Variants in WDR93 observed in about 807,000 individuals in gnomAD.
WDR93 encodes WD repeat domain 93, also known as WD repeat-containing protein 93.
WDR93 carries 73 observed loss-of-function variants against 82.9 expected under a neutral mutation model. The ratio of observed to expected loss-of-function variants is 0.88; its 90% CI spans 0.73 to 1.07. The LOEUF (loss-of-function observed/expected upper bound fraction) is 1.07, where lower values mean the gene tolerates loss of function less well. WDR93 is among the 50% of genes least tolerant of loss of function. The probability of loss-of-function intolerance (pLI) is 0.00; values close to 1 mark genes in which losing one functional copy is unlikely to be tolerated. For synonymous variants in WDR93, 283 were observed against 300.1 expected (o/e 0.94, Z 0.59); for missense variants, 738 against 826.0 (o/e 0.89, Z 1.31).
rs575855058 is a variant in WDR93 at position 89,738,021 on chromosome 15, G to A, written c.1766-20G>A. ...GAAAGCGATTGTTACACAGAACATG[G>A]TGTTCTTGTCTCGTCACAGGAGACT... On this transcript the variant is annotated intron_variant, in intron 15 of 16. Coordinates refer to ENST00000268130, the MANE Select transcript of WDR93 (RefSeq NM_020212.2). 24 of 1,591,096 alleles carry A rather than the reference G, an allele frequency of 1.5e-5. No homozygotes were observed. Among genetic ancestry groups the A allele is most frequent in the Non-Finnish European group, 2.1e-5 (24 of 1,168,226 alleles).
rs1181163746 is a variant in WDR93 at position 89,727,264 on chromosome 15, G to A, written c.988G>A (p.Ala330Thr). 1 of 1,614,196 alleles carries A rather than the reference G, an allele frequency of 6.2e-7. No individual in the cohort carries two copies. Among genetic ancestry groups the A allele is most frequent in the Non-Finnish European group, 8.5e-7 (1 of 1,180,016 alleles). ...CAAGGACAGTCAGTGGGAGCAGCAA[G>A]CTGAGATCTTCAACGCTTCCTACAA... is the stretch of plus-strand genomic sequence containing the variant. The part of the protein sequence containing the change: ...FIKDSQWEQQ[A>T]EIFNASYKKY... Residue 330 changes from alanine to threonine, a missense_variant, in exon 9 of 17, where the codon GCT becomes ACT. Ala to Thr is a moderately conservative substitution (Grantham distance 58). Coordinates refer to ENST00000268130, the MANE Select transcript of WDR93 (RefSeq NM_020212.2).
chr15:89,708,574 C>T (rs1176063487), intron 4 of WDR93, among the ~76,000 whole-genome samples: 4 of 152,136 alleles, frequency 2.6e-5, no homozygotes, highest in South Asian at 2.1e-4. Flanking sequence ...ATGAAAATTT[C>T]GGAAACAGAT....
chr15:89,715,411 C>T (rs1056976189), intron 6 of WDR93, among the ~76,000 whole-genome samples: 3 of 152,086 alleles, frequency 2.0e-5, no homozygotes, highest in African/African-American at 4.8e-5. Context: ...TTTTTTCCCT[C>T]CTGGCTGAAA....
At chr15:89,743,230 G>A in intron 16 of WDR93, 62 bp from the exon 17 acceptor site, 1 of 1,563,896 alleles carries the variant, frequency 6.4e-7, no homozygotes, top group Non-Finnish European at 8.8e-7. Context: ...GGTCTGCCCT[G>A]GGGGCTCGGG....
chr15:89,693,476 T>C (rs1475999527), intron 1 of WDR93, among the ~76,000 whole-genome samples: 1 of 152,238 alleles, frequency 6.6e-6, no homozygotes, highest in Non-Finnish European at 1.5e-5. Flanking sequence ...AAGAGTGGAA[T>C]GACTGGATAT....
chr15:89,718,177 C>A (rs1376164364), intron 7 of WDR93, among the ~76,000 whole-genome samples: 1 of 151,884 alleles, frequency 6.6e-6, no homozygotes, highest in Non-Finnish European at 1.5e-5. Flanking sequence ...CTTGCCTCTA[C>A]AAAAAATACA....
chr15:89,703,183 A>G (rs374833111), intron 3 of WDR93, 41 bp downstream of exon 3: 1 of 1,607,234 alleles, frequency 6.2e-7, no homozygotes, highest in Non-Finnish European at 8.5e-7. Context: ...ATTTACAGGT[A>G]CCTGTAGACT....
At chr15:89,733,677 T>C (rs1260785202) in intron 13 of WDR93, among the ~76,000 whole-genome samples, 1 of 152,174 alleles carries the variant, frequency 6.6e-6, no homozygotes, top group African/African-American at 2.4e-5. Context: ...TCCCTCACCA[T>C]GTCACACCCT....
chr15:89,728,883 T>A (rs1049845210), intron 9 of WDR93, 140 bp from the exon 10 acceptor site: 16 of 759,532 alleles, frequency 2.1e-5, no homozygotes, highest in Non-Finnish European at 3.5e-5. Flanking sequence ...GCACCTAGAA[T>A]GTGATGTGCT....
chr15:89,722,207 C>T, intron 8 of WDR93, 68 bp downstream of exon 8: 1 of 1,225,694 alleles, frequency 8.2e-7, no homozygotes, highest in Non-Finnish European at 1.1e-6. Context: ...TTCCCCATGT[C>T]TTATCTTTTC....
At chr15:89,710,875 A>T (rs1965944753) in intron 4 of WDR93, among the ~76,000 whole-genome samples, 1 of 152,234 alleles carries the variant, frequency 6.6e-6, no homozygotes, top group African/African-American at 2.4e-5. Context: ...CATATGGGCA[A>T]CCAATTTCAA....
At chr15:89,704,005 A>G (rs1965602721) in intron 3 of WDR93, 1 of 152,166 alleles carries the variant, frequency 6.6e-6, no homozygotes, top group African/African-American at 2.4e-5. Context: ...AATTCTGAAC[A>G]TCTGAACCAA....
At chr15:89,735,359 G>A in intron 13 of WDR93, 131 bp from the exon 14 acceptor site, 1 of 771,638 alleles carries the variant, frequency 1.3e-6, no homozygotes, top group Non-Finnish European at 2.1e-6. Flanking sequence ...TTAATTTTTT[G>A]CTACTATGAA....
intron 8 of WDR93, among the ~76,000 whole-genome samples, chr15:89,722,436 A>G (rs910278996): frequency 1.2e-4 from 19 of 152,160 alleles, no homozygotes; most frequent in Non-Finnish European, 1.3e-4. Context: ...GATTCATTTG[A>G]CTGCTAGTTG....
chr15:89,730,322 CAAAAAA>C (rs370652070), intron 11 of WDR93, among the ~76,000 whole-genome samples: 77 of 123,448 alleles, frequency 6.2e-4, no homozygotes, highest in East Asian at 1.3e-3. Context: ...AAGACTATCT[CAAAAAA>C]AAAAAAAAAA....
At chr15:89,721,929 C>CT (rs1966544630) in intron 7 of WDR93, 126 bp from the exon 8 acceptor site, 2 of 663,264 alleles carry the variant, frequency 3.0e-6, no homozygotes, top group Non-Finnish European at 5.2e-6. Flanking sequence ...TTGCTATTTA[C>CT]TTTCTATTTG....
At chr15:89,709,860 T>TAA (rs5814398) in intron 4 of WDR93, among the ~76,000 whole-genome samples, 10,037 of 149,410 alleles carry the variant, frequency 0.067, 396 homozygotes, top group Non-Finnish European at 0.094. Flanking sequence ...GTATTTGTAA[T>TAA]AAAAAAAAAA....
chr15:89,691,865 C>T (rs928990381), intron 1 of WDR93, among the ~76,000 whole-genome samples: 12 of 152,164 alleles, frequency 7.9e-5, no homozygotes, highest in African/African-American at 2.9e-4. Context: ...AGTTATAAAT[C>T]AAGCAACAAA....
intron 1 of WDR93, among the ~76,000 whole-genome samples, chr15:89,692,470 T>C (rs779172875): frequency 1.3e-5 from 2 of 152,198 alleles, no homozygotes; most frequent in African/African-American, 2.4e-5. Context: ...CCTGGCCATA[T>C]ACCAACCACT....
Sources: gnomAD v4.1 joint callset for allele counts (sites outside exome capture counted in the v4.1 genomes callset) on GRCh38, gnomAD v4.1.1 for gene constraint, MANE v1.5 for transcripts, NCBI Gene and HGNC (gene_info 2026-07-23, HGNC 2026-07-21) for gene names.